ZBTB46: variants seen among roughly 807,000 people sequenced by gnomAD.
ZBTB46 encodes the protein zinc finger and BTB domain containing 46.
A neutral mutation model predicts 44.1 loss-of-function variants in ZBTB46; 8 were observed. That is an observed-to-expected ratio of 0.18 (90% CI 0.11 to 0.33). The LOEUF is 0.33. Ranked by LOEUF, ZBTB46 falls within the 10% of genes least tolerant of loss-of-function variation. The probability of loss-of-function intolerance (pLI) is 1.00; values close to 1 mark genes in which losing one functional copy is unlikely to be tolerated. For missense variants in ZBTB46, 651 were observed against 847.7 expected (o/e 0.77, Z 2.88); for synonymous variants, 409 against 382.3 (o/e 1.07, Z -0.81).
chr20:63,810,160 A>T (rs1397252545), intron 1 of ZBTB46, among the ~76,000 whole-genome samples: 1 of 152,088 alleles, frequency 6.6e-6, no homozygotes, highest in Non-Finnish European at 1.5e-5. Flanking sequence ...CCAAGGAAAT[A>T]ACCCAAAAAG....
Position 63,790,232 on chromosome 20 carries a change from T to A in ZBTB46, c.526A>T (p.Ser176Cys). Residue 176 changes from serine to cysteine, a missense_variant, in exon 2 of 5, where the codon AGT (serine) becomes TGT (cysteine). Physicochemically the swap from Ser to Cys is moderately radical, Grantham distance 112. Coordinates refer to ENST00000245663, the MANE Select transcript of ZBTB46 (RefSeq NM_001369741.1). The part of the protein sequence containing the change: ...SISPWLARRT[S>C]PANSSGDSAI... ...GAGTCTCCGGAAGAATTGGCAGGAC[T>A]CGTTCGCCGTGCCAGCCACGGGGAG... The A allele has an allele frequency of 6.2e-7, 1 of 1,611,118 alleles. No individual in the cohort carries two copies. The highest frequency in any genetic ancestry group is 8.5e-7 in the Non-Finnish European group (1 of 1,178,910).
intron 1 of ZBTB46, among the ~76,000 whole-genome samples, chr20:63,825,474 G>A (rs2092815103): frequency 1.6e-5 from 2 of 124,762 alleles, no homozygotes; most frequent in Non-Finnish European, 3.3e-5. Flanking sequence ...CGGCTTCCCA[G>A]GGCCAGTTGT....
intron 3 of ZBTB46, among the ~76,000 whole-genome samples, chr20:63,755,840 A>G (rs1490677416): frequency 6.6e-6 from 1 of 152,220 alleles, no homozygotes; most frequent in Non-Finnish European, 1.5e-5. Context: ...TTAAATAAAA[A>G]AGCATAAAGA....
chr20:63,775,739 C>G lies in ZBTB46; in HGVS notation c.1161G>C (p.Val387=). The G allele has an allele frequency of 6.2e-7, 1 of 1,611,474 alleles. No individual in the cohort carries two copies. The highest frequency in any genetic ancestry group is 8.5e-7 in the Non-Finnish European group (1 of 1,178,824). ...KNSLLSLKAD[V]LGDDGSLLFE... is the part of the protein sequence containing the mutation. ...ACAGCAGGGAGCCGTCATCCCCCAG[C>G]ACGTCGGCCTTCAGCGACAGCAGGC... is the stretch of plus-strand genomic sequence containing the variant. The change falls in exon 3 of 5, where the codon GTG becomes GTC. Residue 387 remains valine (V), a synonymous_variant. Transcript: ENST00000245663.
At chr20:63,827,722 T>C (rs1435430097) in intron 1 of ZBTB46, among the ~76,000 whole-genome samples, 2 of 152,218 alleles carry the variant, frequency 1.3e-5, no homozygotes, top group Non-Finnish European at 2.9e-5. Context: ...GGTAGCAAAT[T>C]TTTAATCCAG....
chr20:63,760,503 T>C (rs907803889), intron 3 of ZBTB46, among the ~76,000 whole-genome samples: 16 of 152,054 alleles, frequency 1.1e-4, no homozygotes, highest in African/African-American at 3.9e-4. Context: ...TCTCACTCTG[T>C]TGCCCAGGCT....
At chr20:63,800,295 G>T (rs1204233825) in intron 1 of ZBTB46, among the ~76,000 whole-genome samples, 11 of 152,226 alleles carry the variant, frequency 7.2e-5, no homozygotes, top group Admixed American at 5.2e-4. Context: ...GACAACAGAA[G>T]TGAGTCCACA....
Position 63,752,362 on chromosome 20 carries a change from G to A in ZBTB46, c.1398+324C>T, listed in dbSNP as rs1453316287. ...GGTTCTCCCTCCCGAGGCAGGGCGG[G>A]GGCGGGGGGGCGCAGAGGTGGCTGA... On this transcript the variant is annotated intron_variant, in intron 4 of 4. Coordinates refer to ENST00000245663, the MANE Select transcript of ZBTB46 (RefSeq NM_001369741.1). The surrounding 1 kb of genome is among the most constrained non-coding windows in gnomAD (Gnocchi z 5.6). Among the ~76,000 whole-genome samples, 1 of 152,120 alleles carries A rather than the reference G, an allele frequency of 6.6e-6. No individual in the cohort carries two copies. The highest frequency in any genetic ancestry group is 1.5e-5 in the Non-Finnish European group (1 of 68,022).
intron 2 of ZBTB46, among the ~76,000 whole-genome samples, chr20:63,779,026 G>A (rs987435880): frequency 6.6e-6 from 1 of 152,134 alleles, no homozygotes; most frequent in East Asian, 1.9e-4. Context: ...TCAGAGTCTG[G>A]GAGCAGAGTG....
chr20:63,770,363 C>A (rs1323712314), intron 3 of ZBTB46, among the ~76,000 whole-genome samples: 1 of 112,018 alleles, frequency 8.9e-6, no homozygotes, highest in Non-Finnish European at 2.1e-5. Flanking sequence ...AGAGAGGAGG[C>A]CCGCCTACTG....
Position 63,752,246 on chromosome 20 carries a change from A to C in ZBTB46, c.1398+440T>G. 6.8e-6 allele frequency among the ~76,000 whole-genome samples: 1 copy of C among 148,146 alleles called. No individual in the cohort carries two copies. The highest frequency in any genetic ancestry group is 2.5e-5 in the African/African-American group (1 of 40,262). Reference sequence around the variant, plus strand: ...ATTTCCTCCCCAAGCAAATCCATCCACTCCACACCTGCTACCTGACAACGA... The same window carrying C: ...ATTTCCTCCCCAAGCAAATCCATCCCCTCCACACCTGCTACCTGACAACGA... On this transcript the variant is annotated intron_variant, in intron 4 of 4. Transcript: ENST00000245663. The surrounding 1 kb of genome is among the most constrained non-coding windows in gnomAD (Gnocchi z 5.6).
chr20:63,770,615 T>A (rs2092360998), intron 3 of ZBTB46, among the ~76,000 whole-genome samples: 1 of 152,230 alleles, frequency 6.6e-6, no homozygotes, highest in Admixed American at 6.5e-5. Context: ...GCTGCTGGCC[T>A]GCTGCCTGCA....
At chr20:63,778,827 T>C (rs2092445790) in intron 2 of ZBTB46, among the ~76,000 whole-genome samples, 2 of 152,274 alleles carry the variant, frequency 1.3e-5, no homozygotes, top group Non-Finnish European at 1.5e-5. Flanking sequence ...TCCAAACTTA[T>C]GTTAAGGCTT....
intron 2 of ZBTB46, among the ~76,000 whole-genome samples, chr20:63,780,684 C>G (rs527295050): frequency 1.6e-4 from 24 of 151,710 alleles, no homozygotes; most frequent in African/African-American, 5.1e-4. Flanking sequence ...CGCCTGTAGT[C>G]CCAGCTACTC....
intron 2 of ZBTB46, among the ~76,000 whole-genome samples, chr20:63,779,683 G>A (rs949229872): frequency 1.3e-5 from 2 of 151,836 alleles, no homozygotes; most frequent in Admixed American, 6.6e-5. Flanking sequence ...GCCTCCGAGA[G>A]TGCTGGGATT....
intron 3 of ZBTB46, among the ~76,000 whole-genome samples, chr20:63,761,203 T>C (rs2092273006): frequency 6.6e-6 from 1 of 150,434 alleles, no homozygotes; most frequent in Non-Finnish European, 1.5e-5. Flanking sequence ...TTCACCATGT[T>C]GACCAGACTG....
In ZBTB46 at chr20:63,767,328, AC is replaced by A. The variant is rs1374799135; in HGVS notation, c.1222+8349del. Among the ~76,000 whole-genome samples, 2 of 151,344 alleles carry A rather than the reference AC, an allele frequency of 1.3e-5. No homozygotes were observed. The highest frequency in any genetic ancestry group is 6.6e-5 in the Admixed American group (1 of 15,192). Reference sequence around the variant, plus strand: ...ATCCCGTAGGATCTCGGTCATCTGAACCCCGTCGGGCAGAAGCTGGAGGTCC... The same window carrying A: ...ATCCCGTAGGATCTCGGTCATCTGAACCCGTCGGGCAGAAGCTGGAGGTCC... On this transcript the variant is annotated intron_variant, in intron 3 of 4. Coordinates refer to ENST00000245663, the MANE Select transcript of ZBTB46 (RefSeq NM_001369741.1). The surrounding 1 kb of genome is among the most constrained non-coding windows in gnomAD (Gnocchi z 5.0).
intron 2 of ZBTB46, among the ~76,000 whole-genome samples, chr20:63,789,000 T>C (rs2092538285): frequency 6.6e-6 from 1 of 151,350 alleles, no homozygotes; most frequent in Non-Finnish European, 1.5e-5. Context: ...GTATTTTTAG[T>C]AGAGACGGGG....
intron 1 of ZBTB46, among the ~76,000 whole-genome samples, chr20:63,825,265 G>A (rs1010033525): frequency 2.6e-5 from 4 of 151,862 alleles, no homozygotes; most frequent in Non-Finnish European, 4.4e-5. Context: ...GCCGGGCGTG[G>A]TGGCGGATGC....
Sources: gnomAD v4.1 joint callset for allele counts (sites outside exome capture counted in the v4.1 genomes callset) on GRCh38, gnomAD v4.1.1 for gene constraint, Gnocchi (gnomAD v3.1) non-coding constraint, MANE v1.5 for transcripts, NCBI Gene and HGNC (gene_info 2026-07-23, HGNC 2026-07-21) for gene names.